The following NSA2 variants were observed in gnomAD, a reference collection of about 807,000 sequenced individuals.
The protein encoded by NSA2 is ribosome biogenesis protein NSA2 homolog.
In NSA2, 18 loss-of-function variants were observed where a neutral mutation model predicts 34.8. That is an observed-to-expected ratio of 0.52 (90% CI 0.36 to 0.77). NSA2 has a LOEUF of 0.77. Ranked by LOEUF, NSA2 falls within the 30% of genes least tolerant of loss-of-function variation. The pLI, the probability that NSA2 is intolerant of heterozygous loss-of-function variation, is 0.00. For synonymous variants in NSA2, 79 were observed against 100.2 expected, an observed-to-expected ratio of 0.79 and a Z score of 1.26; for missense variants, 188 against 314.7, an observed-to-expected ratio of 0.60 and a Z score of 3.05.
At chr5:74,774,419 T>C (rs1229494044) in intron 5 of NSA2, among the ~76,000 whole-genome samples, 1 of 151,878 alleles carries the variant, frequency 6.6e-6, no homozygotes, top group African/African-American at 2.4e-5. Flanking sequence ...CTGGCCAACA[T>C]GGCAAAACCC....
intron 5 of NSA2, among the ~76,000 whole-genome samples, chr5:74,775,815 C>T (rs140147077): frequency 3.0e-4 from 46 of 151,396 alleles, no homozygotes; most frequent in South Asian, 6.3e-4. Flanking sequence ...TTTTAAACGC[C>T]CTCATTTGCT....
Position 74,770,622 on chromosome 5 carries a change from T to C in NSA2, c.343-9T>C, listed in dbSNP as rs1385227609. 6.4e-7 allele frequency: 1 copy of C among 1,567,102 alleles called. No individual in the cohort carries two copies. The highest frequency in any genetic ancestry group is 1.4e-5 in the African/African-American group (1 of 72,640). ...ACAATATAAACTTTTAACTGTGGCA[T>C]ATTTTTAGGGAAAATGGGAAGTCCC... On this transcript the variant is annotated splice_polypyrimidine_tract_variant and intron_variant, in intron 3 of 5. Coordinates refer to ENST00000610426, the MANE Select transcript of NSA2 (RefSeq NM_014886.6).
intron 3 of NSA2, 161 bp downstream of exon 3, chr5:74,769,525 C>A: frequency 5.5e-6 from 3 of 549,134 alleles, no homozygotes; most frequent in South Asian, 4.9e-5. Flanking sequence ...AACTTGCTTT[C>A]TCATCATAAG....
chr5:74,767,367 AGGAGGATGCCTC>A lies in NSA2; in HGVS notation c.3+8_3+19del. The A allele has an allele frequency of 6.2e-7, 1 of 1,613,228 alleles. No homozygotes were observed. The highest frequency in any genetic ancestry group is 2.2e-5 in the East Asian group (1 of 44,866). On this transcript the variant is annotated splice_donor_5th_base_variant and intron_variant, in intron 1 of 5. Transcript: ENST00000610426. ...CGGCTCTGCGGCCGTCACCATGGTA[AGGAGGATGCCTC>A]GGACGCTCGCGACACACAGCGTCTG...
At chr5:74,772,702 T>C (rs1744983081) in intron 4 of NSA2, among the ~76,000 whole-genome samples, 1 of 152,238 alleles carries the variant, frequency 6.6e-6, no homozygotes, top group Non-Finnish European at 1.5e-5. Context: ...TTAACAGTTC[T>C]ACAGGGAGAG....
intron 3 of NSA2, 78 bp downstream of exon 3, chr5:74,769,442 T>G: frequency 8.1e-7 from 1 of 1,240,362 alleles, no homozygotes; most frequent in East Asian, 2.5e-5. Flanking sequence ...TGTTTCTCGG[T>G]TTAATTTCAA....
Position 74,773,963 on chromosome 5 carries a change from A to G in NSA2, c.618A>G (p.Pro206=). ...ILGVKKNPSS[P]LYTTLGVITK... is the part of the protein sequence containing the mutation. ...GTGTAAAGAAGAATCCCTCATCCCC[A>G]CTGTATACAACTTTGGGTGTTATTA... Residue 206 remains proline (P), a synonymous_variant, in exon 5 of 6, where the codon CCA becomes CCG. Coordinates refer to ENST00000610426, the MANE Select transcript of NSA2 (RefSeq NM_014886.6). The G allele has an allele frequency of 6.8e-6, 11 of 1,613,940 alleles. No individual in the cohort carries two copies. Among genetic ancestry groups the G allele is most frequent in the South Asian group, 3.3e-5 (3 of 91,078 alleles).
intron 4 of NSA2, among the ~76,000 whole-genome samples, 153 bp downstream of exon 4, chr5:74,770,963 A>ATT (rs1249549887): frequency 6.6e-6 from 1 of 152,202 alleles, no homozygotes; most frequent in African/African-American, 2.4e-5. Flanking sequence ...GACAGAAGTT[A>ATT]TTTAGTACTT....
At chr5:74,771,979 A>G (rs1208562819) in intron 4 of NSA2, among the ~76,000 whole-genome samples, 3 of 152,090 alleles carry the variant, frequency 2.0e-5, no homozygotes, top group Non-Finnish European at 4.4e-5. Context: ...ACCCCTGGGG[A>G]GAAACATAGT....
rs562623319 is a variant in NSA2 at position 74,773,072 on chromosome 5, G to C, written c.523-796G>C. Among the ~76,000 whole-genome samples the C allele has an allele frequency of 2.0e-5, 3 of 152,192 alleles. No individual in the cohort carries two copies. In the East Asian group the frequency reaches 5.8e-4, roughly 29 times the overall value. Reference sequence around the variant, plus strand: ...ATGGAAGGTAGCCGAGTTATATAAAGACTTGGAATCAGGATATTAAGGTTT... The same window carrying C: ...ATGGAAGGTAGCCGAGTTATATAAACACTTGGAATCAGGATATTAAGGTTT... On this transcript the variant is annotated intron_variant, in intron 4 of 5. Coordinates refer to ENST00000610426, the MANE Select transcript of NSA2 (RefSeq NM_014886.6).
chr5:74,771,330 A>C (rs900940808), intron 4 of NSA2: 1 of 152,118 alleles, frequency 6.6e-6, no homozygotes, highest in African/African-American at 2.4e-5. Context: ...AAAAAGTAGT[A>C]TCATAAGACA....
At position 74,777,281 on chromosome 5, in the gene NSA2, A is replaced by C. The variant is rs1745165898; in HGVS notation, c.*610A>C. ...GGCACTATTTTCTACTTGAATCATG[A>C]AAATGAAAAAAATATACTAAAGTCT... On this transcript the variant is annotated 3_prime_UTR_variant, in exon 6 of 6. Coordinates refer to ENST00000610426, the MANE Select transcript of NSA2 (RefSeq NM_014886.6). The C allele has an allele frequency of 6.6e-6, 1 of 152,180 alleles. No individual in the cohort carries two copies. The highest frequency in any genetic ancestry group is 1.5e-5 in the Non-Finnish European group (1 of 68,008). 9.4% of individuals were successfully genotyped at this position (152,180 alleles called of 1,614,324 possible).
At chr5:74,775,487 G>A (rs986214038) in intron 5 of NSA2, among the ~76,000 whole-genome samples, 1 of 151,392 alleles carries the variant, frequency 6.6e-6, no homozygotes, top group African/African-American at 2.4e-5. Flanking sequence ...TGTGGTTGTG[G>A]GTGCCTGTAA....
chr5:74,772,482 T>A (rs1744976260), intron 4 of NSA2, among the ~76,000 whole-genome samples: 2 of 152,226 alleles, frequency 1.3e-5, no homozygotes, highest in Admixed American at 1.3e-4. Flanking sequence ...AATAAAATTT[T>A]AATGGAACAC....
intron 3 of NSA2, among the ~76,000 whole-genome samples, chr5:74,770,344 A>G (rs1744875922): frequency 6.6e-6 from 1 of 151,934 alleles, no homozygotes; most frequent in African/African-American, 2.4e-5. Flanking sequence ...AAAAAAAAAA[A>G]AAAAAAACCA....
In NSA2 at chr5:74,769,249, A is replaced by T. The variant is rs139165108; in HGVS notation, c.227A>T (p.Lys76Met). The T allele has an allele frequency of 8.8e-5, 142 of 1,610,252 alleles. No individual in the cohort carries two copies. In the African/African-American group the frequency reaches 1.8e-3, roughly 20 times the overall value. Residue 76 changes from lysine to methionine, a missense_variant, in exon 3 of 6, where the codon AAG becomes ATG. By Grantham distance (95) the Lys-to-Met change is moderately conservative. Coordinates refer to ENST00000610426, the MANE Select transcript of NSA2 (RefSeq NM_014886.6). ...KMHEKRNTKQKNDEKTPQGAV... is the reference protein window; with the variant it reads ...KMHEKRNTKQMNDEKTPQGAV... ...CATGAAAAGAGAAACACCAAACAAA[A>T]GAATGATGAAAAGACACCACAGGGA...
At position 74,773,226 on chromosome 5, in the gene NSA2, T is replaced by C. The variant is rs185526441; in HGVS notation, c.523-642T>C. The stretch of plus-strand genomic sequence containing the variant: ...AGGTTATTGTGTTTAAGTGAGCCAG[T>C]TGTGAGCTAGCATAGTGGCCTGGTA... On this transcript the variant is annotated intron_variant, in intron 4 of 5. Transcript: ENST00000610426. Among the ~76,000 whole-genome samples, 613 of 152,138 alleles carry C rather than the reference T, an allele frequency of 4.0e-3. 2 individuals are homozygous for C. Among genetic ancestry groups the C allele is most frequent in the African/African-American group, 0.014 (584 of 41,496 alleles).
At chr5:74,767,487 G>T in intron 1 of NSA2, 124 bp downstream of exon 1, 2 of 1,199,590 alleles carry the variant, frequency 1.7e-6, no homozygotes, top group South Asian at 1.2e-5. Context: ...CAAGAGAAAA[G>T]GATGGTAGAC....
intron 4 of NSA2, among the ~76,000 whole-genome samples, chr5:74,771,853 C>CA (rs11291606): frequency 2.5e-3 from 194 of 76,248 alleles, no homozygotes; most frequent in East Asian, 0.016. Context: ...GATTCTGTCT[C>CA]AAAAAAAAAA....
Sources: allele counts gnomAD v4.1 joint callset (sites outside exome capture counted in the v4.1 genomes callset), GRCh38; gene constraint gnomAD v4.1.1; transcripts MANE v1.5; gene names NCBI Gene and HGNC (gene_info 2026-07-23, HGNC 2026-07-21).